SLCO6A1: variants seen among roughly 807,000 people sequenced by gnomAD.
SLCO6A1 encodes cancer/testis antigen 48.
In SLCO6A1, 65 loss-of-function variants were observed where a neutral mutation model predicts 72.7. The observed-to-expected ratio is 0.89, with a 90% CI of 0.73 to 1.10. SLCO6A1 has a LOEUF of 1.10. Ranked by LOEUF, SLCO6A1 falls within the 50% of genes least tolerant of loss-of-function variation. The probability of loss-of-function intolerance (pLI) is 0.00; values close to 1 mark genes in which losing one functional copy is unlikely to be tolerated. For synonymous variants in SLCO6A1, 314 were observed against 298.2 expected, an observed-to-expected ratio of 1.05 and a Z score of -0.55; for missense variants, 874 against 872.6, an observed-to-expected ratio of 1.00 and a Z score of -0.02.
intron 7 of SLCO6A1, among the ~76,000 whole-genome samples, chr5:102,438,081 C>T (rs1034534689): frequency 2.6e-5 from 4 of 151,936 alleles, no homozygotes. Flanking sequence ...CATTACTACG[C>T]TGGTTGGAAG....
intron 8 of SLCO6A1, among the ~76,000 whole-genome samples, chr5:102,419,053 C>T (rs1373022317): frequency 2.0e-5 from 3 of 152,066 alleles, no homozygotes; most frequent in African/African-American, 7.2e-5. Context: ...CACCCAAATT[C>T]TCAGCTTGTT....
intron 12 of SLCO6A1, among the ~76,000 whole-genome samples, chr5:102,387,297 G>C (rs1177491979): frequency 6.6e-6 from 1 of 151,960 alleles, no homozygotes; most frequent in Non-Finnish European, 1.5e-5. Context: ...CTCTATCTTT[G>C]CCTTTTCTAT....
At chr5:102,488,556 C>G (rs923718274) in intron 1 of SLCO6A1, among the ~76,000 whole-genome samples, 13 of 152,092 alleles carry the variant, frequency 8.5e-5, no homozygotes, top group African/African-American at 2.4e-4. Flanking sequence ...TTAAAAAATA[C>G]TTTTAGATCT....
chr5:102,484,295 C>T (rs779276832), intron 1 of SLCO6A1, among the ~76,000 whole-genome samples: 5 of 152,062 alleles, frequency 3.3e-5, no homozygotes, highest in Non-Finnish European at 7.4e-5. Flanking sequence ...TTTGAGGGTT[C>T]GTTAGTTTGT....
intron 7 of SLCO6A1, among the ~76,000 whole-genome samples, chr5:102,430,718 TG>T (rs1749169642): frequency 6.6e-6 from 1 of 152,124 alleles, no homozygotes; most frequent in Non-Finnish European, 1.5e-5. Context: ...TGAAGATTTT[TG>T]CATGTATGTC....
intron 4 of SLCO6A1, among the ~76,000 whole-genome samples, chr5:102,471,113 A>G (rs1022738902): frequency 1.3e-5 from 2 of 151,960 alleles, no homozygotes; most frequent in African/African-American, 2.4e-5. Context: ...CCATTAATGA[A>G]GACCTAGGTT....
chr5:102,389,456 C>CCCCCA (rs376461607), intron 11 of SLCO6A1, among the ~76,000 whole-genome samples: 13 of 81,958 alleles, frequency 1.6e-4, no homozygotes, highest in East Asian at 3.9e-4. Flanking sequence ...CCCCCCACCC[C>CCCCCA]CACACACACA....
chr5:102,465,873 C>G (rs111816692), intron 4 of SLCO6A1, among the ~76,000 whole-genome samples: 1 of 152,070 alleles, frequency 6.6e-6, no homozygotes, highest in Non-Finnish European at 1.5e-5. Flanking sequence ...AAGAGAACTA[C>G]TGGACAATGT....
chr5:102,464,945 T>C (rs1401949717), intron 4 of SLCO6A1, among the ~76,000 whole-genome samples: 1 of 151,964 alleles, frequency 6.6e-6, no homozygotes, highest in Admixed American at 6.6e-5. Flanking sequence ...ACTGATGATA[T>C]CCAACACAAT....
At chr5:102,414,540 A>C (rs1748166871) in intron 8 of SLCO6A1, among the ~76,000 whole-genome samples, 1 of 152,242 alleles carries the variant, frequency 6.6e-6, no homozygotes, top group Non-Finnish European at 1.5e-5. Context: ...GTAAAGTTTC[A>C]GTGTAGAAAA....
intron 1 of SLCO6A1, among the ~76,000 whole-genome samples, chr5:102,489,701 C>T (rs545169510): frequency 1.3e-5 from 2 of 152,168 alleles, no homozygotes; most frequent in South Asian, 4.1e-4. Flanking sequence ...TTCCTCAAAA[C>T]TAAAAATAGA....
At chr5:102,414,723 A>G (rs1748178734) in intron 8 of SLCO6A1, among the ~76,000 whole-genome samples, 3 of 151,914 alleles carry the variant, frequency 2.0e-5, no homozygotes, top group African/African-American at 2.4e-5. Flanking sequence ...GTGAAACCCC[A>G]TCTCTACTTA....
intron 8 of SLCO6A1, among the ~76,000 whole-genome samples, chr5:102,417,220 A>G (rs941541208): frequency 6.6e-6 from 1 of 151,692 alleles, no homozygotes. Flanking sequence ...TGCTTAATAT[A>G]CTACTATCTA....
At chr5:102,478,054 A>AC (rs1341179514) in intron 2 of SLCO6A1, among the ~76,000 whole-genome samples, 193 bp from the exon 3 acceptor site, 2 of 152,068 alleles carry the variant, frequency 1.3e-5, no homozygotes, top group East Asian at 1.9e-4. Flanking sequence ...CCATCATACA[A>AC]TTTGGGCCAG....
chr5:102,397,381 T>C (rs1170392490), intron 10 of SLCO6A1, among the ~76,000 whole-genome samples: 2 of 152,192 alleles, frequency 1.3e-5, no homozygotes, highest in Admixed American at 6.5e-5. Context: ...GACTTAAATA[T>C]GACTTCTATG....
intron 1 of SLCO6A1, among the ~76,000 whole-genome samples, chr5:102,493,570 T>C (rs1170612115): frequency 2.6e-5 from 4 of 152,166 alleles, no homozygotes; most frequent in African/African-American, 9.7e-5. Flanking sequence ...TTTTTCTATC[T>C]AAAAATCAGA....
At chr5:102,498,390 G>T in intron 1 of SLCO6A1, 97 bp downstream of exon 1, 1 of 1,220,718 alleles carries the variant, frequency 8.2e-7, no homozygotes, top group Non-Finnish European at 1.1e-6. Context: ...GGCATGCTGG[G>T]CCACCCCAGG....
chr5:102,481,707 A>G (rs537212478), intron 1 of SLCO6A1, among the ~76,000 whole-genome samples: 98 of 152,224 alleles, frequency 6.4e-4, no homozygotes, highest in Non-Finnish European at 1.1e-3. Flanking sequence ...GCTTCTGCCT[A>G]ATGTATCACA....
chr5:102,463,533 A>T (rs1751151520), intron 4 of SLCO6A1, among the ~76,000 whole-genome samples: 1 of 152,242 alleles, frequency 6.6e-6, no homozygotes, highest in South Asian at 2.1e-4. Context: ...CCCATCAACA[A>T]ATGAGTGGAT....
Sources: allele counts gnomAD v4.1 joint callset (sites outside exome capture counted in the v4.1 genomes callset), GRCh38; gene constraint gnomAD v4.1.1; transcripts MANE v1.5; gene names NCBI Gene and HGNC (gene_info 2026-07-23, HGNC 2026-07-21).